COL14A1: variants seen among roughly 807,000 people sequenced by gnomAD.
The protein encoded by COL14A1 is collagen alpha-1(XIV) chain.
A neutral mutation model predicts 230.3 loss-of-function variants in COL14A1; 136 were observed. The observed-to-expected ratio is 0.59, with a 90% CI of 0.51 to 0.68. The LOEUF is 0.68. COL14A1 is among the 30% of genes least tolerant of loss of function. The pLI, the probability that COL14A1 is intolerant of heterozygous loss-of-function variation, is 0.00. For missense variants in COL14A1, 1,976 were observed against 2,215.8 expected, an observed-to-expected ratio of 0.89 and a Z score of 2.17; for synonymous variants, 792 against 784.1, an observed-to-expected ratio of 1.01 and a Z score of -0.17.
intron 33 of COL14A1, among the ~76,000 whole-genome samples, chr8:120,287,611 G>C (rs901128439): frequency 2.6e-5 from 4 of 151,926 alleles, no homozygotes; most frequent in Non-Finnish European, 5.9e-5. Flanking sequence ...CAAGAAGTGA[G>C]GTTCATTAAA....
intron 24 of COL14A1, 51 bp downstream of exon 24, chr8:120,263,065 T>G (rs1819391213): frequency 6.6e-7 from 1 of 1,504,052 alleles, no homozygotes; most frequent in Non-Finnish European, 8.9e-7. Context: ...ACAAACAGAA[T>G]TTCAGGCATC....
At chr8:120,279,345 T>A (rs1380078859) in intron 28 of COL14A1, among the ~76,000 whole-genome samples, 3 of 150,036 alleles carry the variant, frequency 2.0e-5, no homozygotes, top group African/African-American at 4.9e-5. Flanking sequence ...ATTGATTGAA[T>A]GTATATATAT....
At chr8:120,192,941 A>G (rs935684172) in intron 5 of COL14A1, among the ~76,000 whole-genome samples, 3 of 152,114 alleles carry the variant, frequency 2.0e-5, no homozygotes, top group African/African-American at 7.2e-5. Flanking sequence ...CTAGTTATAC[A>G]TTCGTCTAAA....
At position 120,197,895 on chromosome 8, in the gene COL14A1, G is replaced by A. The variant is rs768313084; in HGVS notation, c.677G>A (p.Arg226Gln). 36 of 1,613,398 alleles carry A rather than the reference G, an allele frequency of 2.2e-5. No homozygotes were observed. The Middle Eastern group carries it at 4.9e-4, about 22-fold the overall frequency. Reference sequence around the variant, plus strand: ...AAAGATGAAGTGATTGAAGCTGTCCGAAACCTCCCATATAAAGGAGGAAAT... The same window carrying A: ...AAAGATGAAGTGATTGAAGCTGTCCAAAACCTCCCATATAAAGGAGGAAAT... ...STKDEVIEAV[R>Q]NLPYKGGNTL... is the part of the protein sequence containing the mutation. The change falls in exon 7 of 48, where the codon CGA becomes CAA. Residue 226 changes from arginine to glutamine, a missense_variant. Around this residue, in one of 3 missense-constraint regions of COL14A1, gnomAD observed 1,791 missense variants for 2,019.5 expected, o/e 0.89. Transcript: ENST00000297848.
intron 19 of COL14A1, among the ~76,000 whole-genome samples, chr8:120,237,161 G>A (rs1050841060): frequency 3.9e-5 from 6 of 152,180 alleles, no homozygotes; most frequent in Admixed American, 6.5e-5. Flanking sequence ...GGCCTGTCTT[G>A]CTAGGTTGGG....
In COL14A1 at chr8:120,227,281, A is replaced by G. The variant is rs1327159824; in HGVS notation, c.2066A>G (p.Tyr689Cys). 6.2e-7 allele frequency: 1 copy of G among 1,614,084 alleles called. No individual in the cohort carries two copies. The highest frequency in any genetic ancestry group is 1.7e-5 in the Admixed American group (1 of 60,010). ...VIEGLEPGTE[Y>C]EVSLLAVLDD... Reference sequence around the variant, plus strand: ...GAAGGCCTGGAGCCCGGTACGGAGTATGAAGTTTCACTATTGGCCGTACTT... The same window carrying G: ...GAAGGCCTGGAGCCCGGTACGGAGTGTGAAGTTTCACTATTGGCCGTACTT... The change falls in exon 17 of 48, where the codon TAT (tyrosine) becomes TGT (cysteine). Residue 689 changes from tyrosine (Y) to cysteine (C), a missense_variant. Coordinates refer to ENST00000297848, the MANE Select transcript of COL14A1 (RefSeq NM_021110.4).
At chr8:120,182,248 T>G (rs1816485837) in intron 5 of COL14A1, among the ~76,000 whole-genome samples, 1 of 152,178 alleles carries the variant, frequency 6.6e-6, no homozygotes, top group Non-Finnish European at 1.5e-5. Context: ...CTTACAGCTA[T>G]GAGGACTGAT....
intron 23 of COL14A1, among the ~76,000 whole-genome samples, chr8:120,258,436 A>G (rs973881045): frequency 6.6e-6 from 1 of 152,118 alleles, no homozygotes. Flanking sequence ...CATGAAATAA[A>G]CTGACTGTTT....
chr8:120,254,136 T>C lies in COL14A1; in HGVS notation c.2753-1104T>C, dbSNP rs535994055. Among the ~76,000 whole-genome samples the C allele has an allele frequency of 1.4e-4, 21 of 152,154 alleles. No individual in the cohort carries two copies. The South Asian group carries it at 4.1e-3, about 30-fold the overall frequency. On this transcript the variant is annotated intron_variant, in intron 22 of 47. Coordinates refer to ENST00000297848, the MANE Select transcript of COL14A1 (RefSeq NM_021110.4). ...TTCCGAGGTATTTTTATTTTGTGAGTAAGCTAAGAGAGAGAGAGAAATAAT... is the reference window on the plus strand; with the variant it reads ...TTCCGAGGTATTTTTATTTTGTGAGCAAGCTAAGAGAGAGAGAGAAATAAT...
chr8:120,149,822 G>A (rs569319400), intron 2 of COL14A1, among the ~76,000 whole-genome samples: 56 of 151,820 alleles, frequency 3.7e-4, no homozygotes, highest in African/African-American at 1.3e-3. Flanking sequence ...AGCCTCCCAA[G>A]TTGCTGGGAT....
chr8:120,249,140 G>A (rs1182404714), intron 21 of COL14A1, among the ~76,000 whole-genome samples: 1 of 145,314 alleles, frequency 6.9e-6, no homozygotes, highest in African/African-American at 2.6e-5. Flanking sequence ...CCGTGGTCTC[G>A]ATCTCCTGAC....
intron 40 of COL14A1, among the ~76,000 whole-genome samples, chr8:120,331,264 T>C (rs1478421788): frequency 6.6e-6 from 1 of 152,134 alleles, no homozygotes; most frequent in East Asian, 1.9e-4. Context: ...AAAATAATTA[T>C]TCCAATGGGA....
intron 1 of COL14A1, among the ~76,000 whole-genome samples, chr8:120,126,530 ATGGGAGTAAGTCTTTGGTGGCTG>A (rs1177329170): frequency 6.6e-6 from 1 of 152,192 alleles, no homozygotes; most frequent in Admixed American, 6.5e-5. Flanking sequence ...CAAGAGAAAG[ATGGGAGTAAGTCTTTGGTGGCTG>A]TGGAGAGGAG....
intron 36 of COL14A1, among the ~76,000 whole-genome samples, chr8:120,308,492 T>C (rs954794657): frequency 3.9e-5 from 6 of 152,380 alleles, no homozygotes; most frequent in Admixed American, 1.3e-4. Context: ...TGACATCACA[T>C]ATTTAAAACA....
At chr8:120,228,816 A>C (rs751240467) in intron 18 of COL14A1, 47 bp downstream of exon 18, 1 of 1,479,130 alleles carries the variant, frequency 6.8e-7, no homozygotes, top group East Asian at 2.3e-5. Flanking sequence ...AATTTTCTTT[A>C]AACAGATGTT....
intron 1 of COL14A1, among the ~76,000 whole-genome samples, chr8:120,135,696 T>C (rs1392234444): frequency 6.6e-6 from 1 of 152,208 alleles, no homozygotes; most frequent in Non-Finnish European, 1.5e-5. Flanking sequence ...ATAGATTATC[T>C]TAAAGACATT....
At chr8:120,130,751 A>G (rs1478286410) in intron 1 of COL14A1, among the ~76,000 whole-genome samples, 1 of 152,224 alleles carries the variant, frequency 6.6e-6, no homozygotes, top group Non-Finnish European at 1.5e-5. Context: ...GTTTGGGGAT[A>G]CAAGAACAGG....
intron 23 of COL14A1, among the ~76,000 whole-genome samples, chr8:120,259,952 C>A (rs1045861391): frequency 7.9e-5 from 12 of 152,190 alleles, no homozygotes; most frequent in Non-Finnish European, 1.3e-4. Context: ...CTAAGCAAAG[C>A]GAAACACTGA....
chr8:120,247,378 G>A (rs949096468), intron 20 of COL14A1, among the ~76,000 whole-genome samples: 14 of 151,844 alleles, frequency 9.2e-5, no homozygotes, highest in East Asian at 3.9e-4. Flanking sequence ...AGCGGAGATC[G>A]TGCCACTGCA....
Sources: allele counts gnomAD v4.1 joint callset (sites outside exome capture counted in the v4.1 genomes callset), GRCh38; gene constraint gnomAD v4.1.1; regional missense constraint gnomAD v4.1.1; transcripts MANE v1.5; gene names NCBI Gene and HGNC (gene_info 2026-07-23, HGNC 2026-07-21).